TPP2: variants seen among roughly 807,000 people sequenced by gnomAD.
The protein encoded by TPP2 is tripeptidyl-peptidase 2.
In TPP2, 34 loss-of-function variants were observed where a neutral mutation model predicts 155.9. The ratio of observed to expected loss-of-function variants is 0.22; its 90% confidence interval spans 0.17 to 0.29. The LOEUF (loss-of-function observed/expected upper bound fraction) is 0.29, where lower values mean the gene tolerates loss of function less well. Among genes scored for constraint, TPP2 ranks in the 10% least tolerant of loss-of-function variants. The pLI is 1.00. For missense variants in TPP2, 1,028 were observed against 1,522.3 expected (o/e 0.68, Z 5.40); for synonymous variants, 510 against 529.4 (o/e 0.96, Z 0.50).
intron 15 of TPP2, 34 bp downstream of exon 15, chr13:102,638,349 A>G (rs1242664768): frequency 1.3e-6 from 2 of 1,592,524 alleles, no homozygotes; most frequent in Non-Finnish European, 1.7e-6. Flanking sequence ...TTACTGGTAC[A>G]TCTAAGATTT....
At chr13:102,667,761 G>A in intron 27 of TPP2, 1 of 985,476 alleles carries the variant, frequency 1.0e-6, no homozygotes, top group Non-Finnish European at 1.2e-6. Flanking sequence ...CCCCCAGGTT[G>A]CCTTCTGATT....
intron 23 of TPP2, 104 bp from the exon 24 acceptor site, chr13:102,651,255 T>TAACATAGGTGG (rs1883468818): frequency 1.5e-6 from 2 of 1,322,748 alleles, no homozygotes; most frequent in South Asian, 2.9e-5. Flanking sequence ...CTAAGTGGTG[T>TAACATAGGTGG]AACACAGGTG....
In TPP2 at chr13:102,677,373, C is replaced by G. The variant is rs958086336; in HGVS notation, c.3700-854C>G. On this transcript the variant is annotated intron_variant, in intron 29 of 29. Transcript: ENST00000376052. Reference sequence around the variant, plus strand: ...TTAACTTGTCTGCCCTCCACTCTGCCCCCCCCGCTGCCTGTTCTCCACACA... The same window carrying G: ...TTAACTTGTCTGCCCTCCACTCTGCGCCCCCCGCTGCCTGTTCTCCACACA... 2.8e-4 allele frequency among the ~76,000 whole-genome samples: 8 copies of G among 28,092 alleles called. No homozygotes were observed. In the South Asian group the frequency reaches 5.1e-3, roughly 18 times the overall value. The allele number at this position is 28,092 out of a possible 152,430, so 18.4% of individuals were successfully genotyped here.
At chr13:102,601,682 A>T (rs1415999019) in intron 1 of TPP2, among the ~76,000 whole-genome samples, 1 of 152,164 alleles carries the variant, frequency 6.6e-6, no homozygotes, top group Non-Finnish European at 1.5e-5. Context: ...TGAGTGATAT[A>T]GTTCCATTGT....
At chr13:102,656,602 GGGACTCAGTAAGTCCTGTTGGTT>G (rs1379661988) in intron 24 of TPP2, among the ~76,000 whole-genome samples, 83 of 152,186 alleles carry the variant, frequency 5.5e-4, no homozygotes, top group African/African-American at 1.7e-3. Context: ...GCACATCGCG[GGGACTCAGTAAGTCCTGTTGGTT>G]GGACTCAGTA....
In TPP2 at chr13:102,679,747, G is replaced by A. The variant is rs1219528826; in HGVS notation, c.*1431G>A. Reference sequence around the variant, plus strand: ...TCCCCATTTGTATAGGTTTAGTCCAGTAAGAGAATGGAGAAGCTCAGTAAA... The same window carrying A: ...TCCCCATTTGTATAGGTTTAGTCCAATAAGAGAATGGAGAAGCTCAGTAAA... On this transcript the variant is annotated 3_prime_UTR_variant, in exon 30 of 30. Transcript: ENST00000376052. The A allele has an allele frequency of 6.6e-6, 1 of 152,220 alleles. No homozygotes were observed. The highest frequency in any genetic ancestry group is 2.4e-5 in the African/African-American group (1 of 41,450). 9.4% of individuals were successfully genotyped at this position (152,220 alleles called of 1,614,324 possible).
Position 102,644,990 on chromosome 13 carries a change from A to T in TPP2, c.2374A>T (p.Asn792Tyr). Reference sequence around the variant, plus strand: ...TCTGGCTCCCTGCATAACTTTGAAGAACTGGGTCCAAACACTGCGGTATCA... The same window carrying T: ...TCTGGCTCCCTGCATAACTTTGAAGTACTGGGTCCAAACACTGCGGTATCA... ...EDLAPCITLK[N>Y]WVQTLRPVSA... The change falls in exon 19 of 30, where the codon AAC becomes TAC. Residue 792 changes from asparagine (N) to tyrosine (Y), a missense_variant. Asn to Tyr is a moderately radical substitution (Grantham distance 143). Around this residue, in one of 7 missense-constraint regions of TPP2, gnomAD observed 325 missense variants for 463.7 expected, o/e 0.70. Coordinates refer to ENST00000376052, the MANE Select transcript of TPP2 (RefSeq NM_001330588.2). The T allele has an allele frequency of 6.2e-7, 1 of 1,613,986 alleles. No homozygotes were observed. Among genetic ancestry groups the T allele is most frequent in the Non-Finnish European group, 8.5e-7 (1 of 1,179,946 alleles).
At position 102,627,454 on chromosome 13, in the gene TPP2, C is replaced by T. The variant is rs140467696; in HGVS notation, c.939+288C>T. Among the ~76,000 whole-genome samples, 160 of 152,174 alleles carry T rather than the reference C, an allele frequency of 1.1e-3. 1 individual carries two copies. Among genetic ancestry groups the T allele is most frequent in the African/African-American group, 3.4e-3 (141 of 41,528 alleles). ...TACTTAAAAAGAAAGACCTCTTAGC[C>T]AGCTTTCTCCATCAGCCTAAGAGGA... On this transcript the variant is annotated intron_variant, in intron 7 of 29. Coordinates refer to ENST00000376052, the MANE Select transcript of TPP2 (RefSeq NM_001330588.2).
intron 19 of TPP2, 78 bp downstream of exon 19, chr13:102,645,087 T>C: frequency 1.7e-6 from 1 of 598,464 alleles, no homozygotes; most frequent in South Asian, 2.8e-5. Flanking sequence ...AAAAGGGCCT[T>C]TTTTTTTTTT....
intron 6 of TPP2, among the ~76,000 whole-genome samples, chr13:102,624,101 A>G (rs1881375996): frequency 6.6e-6 from 1 of 152,252 alleles, no homozygotes; most frequent in Non-Finnish European, 1.5e-5. Flanking sequence ...CATAAATTAT[A>G]TTGAAAAAAT....
At chr13:102,618,667 A>G in intron 4 of TPP2, 55 bp from the exon 5 acceptor site, 1 of 1,588,318 alleles carries the variant, frequency 6.3e-7, no homozygotes, top group Non-Finnish European at 8.6e-7. Flanking sequence ...GTATGTTAAT[A>G]CAACTTTTAG....
At chr13:102,642,095 A>G (rs901374398) in intron 16 of TPP2, among the ~76,000 whole-genome samples, 1 of 152,110 alleles carries the variant, frequency 6.6e-6, no homozygotes, top group African/African-American at 2.4e-5. Context: ...AGGTTTCTAA[A>G]TTTTCTGGAC....
intron 3 of TPP2, among the ~76,000 whole-genome samples, chr13:102,615,968 T>A (rs74759827): frequency 2.0e-5 from 3 of 146,940 alleles, no homozygotes; most frequent in Non-Finnish European, 3.0e-5. Flanking sequence ...TTTTTTTTTT[T>A]CTCTTTGAGA....
chr13:102,620,374 G>A (rs1208841080), intron 5 of TPP2, among the ~76,000 whole-genome samples: 5 of 152,046 alleles, frequency 3.3e-5, no homozygotes, highest in African/African-American at 9.7e-5. Context: ...AATGAATATA[G>A]CATAATTATA....
chr13:102,634,061 C>T lies in TPP2; in HGVS notation c.1356C>T (p.Ser452=), dbSNP rs1882203698. The T allele has an allele frequency of 1.9e-6, 3 of 1,613,908 alleles. No individual in the cohort carries two copies. The African/African-American group carries it at 4.0e-5, about 22-fold the overall frequency. ...TQLMNGTSMS[S]PNACGGIALI... The stretch of plus-strand genomic sequence containing the variant: ...TGATGAATGGAACATCTATGTCTTC[C>T]CCCAATGCATGTGGAGGCATTGCCC... Residue 452 remains serine, a synonymous_variant, in exon 11 of 30, where the codon TCC becomes TCT. Transcript: ENST00000376052.
At chr13:102,623,550 C>T (rs546322964) in intron 6 of TPP2, among the ~76,000 whole-genome samples, 3 of 152,182 alleles carry the variant, frequency 2.0e-5, no homozygotes, top group Non-Finnish European at 2.9e-5. Flanking sequence ...GCAACAAGAG[C>T]GAAACTCCAT....
At chr13:102,664,538 C>T (rs1483370991) in intron 26 of TPP2, among the ~76,000 whole-genome samples, 2 of 151,860 alleles carry the variant, frequency 1.3e-5, no homozygotes, top group Non-Finnish European at 2.9e-5. Flanking sequence ...TTATATTTTG[C>T]TTACTCTCAC....
intron 21 of TPP2, among the ~76,000 whole-genome samples, chr13:102,648,133 T>A (rs937224095): frequency 1.3e-5 from 2 of 152,234 alleles, no homozygotes; most frequent in African/African-American, 4.8e-5. Context: ...CTTGAACCTG[T>A]TAAGTGGATA....
chr13:102,624,211 A>G (rs951478293), intron 6 of TPP2, among the ~76,000 whole-genome samples: 16 of 152,210 alleles, frequency 1.1e-4, no homozygotes, highest in Non-Finnish European at 1.6e-4. Context: ...TGTTAAATAT[A>G]TAGATGGAAA....
Sources: gnomAD v4.1 joint callset for allele counts (sites outside exome capture counted in the v4.1 genomes callset) on GRCh38, gnomAD v4.1.1 for gene constraint, gnomAD v4.1.1 regional missense constraint, MANE v1.5 for transcripts, NCBI Gene and HGNC (gene_info 2026-07-23, HGNC 2026-07-21) for gene names.